Variants in VAMP5 observed in about 807,000 individuals in gnomAD.
VAMP5 encodes the protein vesicle associated membrane protein 5.
VAMP5 carries 10 observed loss-of-function variants against 8.1 expected under a neutral mutation model. The observed-to-expected ratio is 1.23, with a 90% CI of 0.76 to 2.09. The LOEUF is 2.09. Ranked by LOEUF, VAMP5 falls within the 30% of genes most tolerant of loss-of-function variation. The pLI, the probability that VAMP5 is intolerant of heterozygous loss-of-function variation, is 0.00. For synonymous variants in VAMP5, 62 were observed against 60.6 expected (o/e 1.02, Z -0.11); for missense variants, 135 against 152.5 (o/e 0.89, Z 0.60).
intron 1 of VAMP5, among the ~76,000 whole-genome samples, chr2:85,588,223 C>T (rs1036806454): frequency 6.6e-6 from 1 of 152,154 alleles, no homozygotes; most frequent in East Asian, 1.9e-4. Context: ...GGATTACAGG[C>T]ATGAGCCACC....
chr2:85,588,966 C>T (rs1672502406), intron 1 of VAMP5, among the ~76,000 whole-genome samples: 1 of 152,110 alleles, frequency 6.6e-6, no homozygotes, highest in Non-Finnish European at 1.5e-5. Flanking sequence ...GTCTTTTCCC[C>T]AGGGCAAAGT....
At chr2:85,591,973 C>CTCA in intron 2 of VAMP5, 111 bp downstream of exon 2, 2 of 1,506,660 alleles carry the variant, frequency 1.3e-6, no homozygotes, top group Non-Finnish European at 1.8e-6. Context: ...TCTTGAGGGC[C>CTCA]AGTGTGGGGC....
At position 85,593,083 on chromosome 2, in the gene VAMP5, C is replaced by A. The variant is rs1378366176; in HGVS notation, c.277C>A (p.Leu93Ile). ...CCTGATTGTGCTGCTGGTCGTCTTT[C>A]TCCCTCAGAGCAGTGACAGCAGTAG... is the stretch of plus-strand genomic sequence containing the variant. ...IILIVLLVVF[L>I]PQSSDSSSAP... Residue 93 changes from leucine (L) to isoleucine (I), a missense_variant, in exon 3 of 3, where the codon CTC (leucine) becomes ATC (isoleucine). Physicochemically the swap from Leu to Ile is conservative, Grantham distance 5 (BLOSUM62 2). Coordinates refer to ENST00000306384, the MANE Select transcript of VAMP5 (RefSeq NM_006634.3). 1 of 1,614,120 alleles carries A rather than the reference C, an allele frequency of 6.2e-7. No individual in the cohort carries two copies. Among genetic ancestry groups the A allele is most frequent in the Non-Finnish European group, 8.5e-7 (1 of 1,180,052 alleles).
intron 1 of VAMP5, among the ~76,000 whole-genome samples, chr2:85,590,044 C>T (rs35776719): frequency 0.12 from 17,775 of 152,060 alleles, 1,135 homozygotes; most frequent in South Asian, 0.21. Flanking sequence ...ATAGTGATGA[C>T]GGTTGACTCA....
chr2:85,588,190 C>T (rs941202603), intron 1 of VAMP5, among the ~76,000 whole-genome samples: 1 of 152,056 alleles, frequency 6.6e-6, no homozygotes, highest in Non-Finnish European at 1.5e-5. Context: ...ATGATCTGCC[C>T]ACCTTGGCCT....
At position 85,593,040 on chromosome 2, in the gene VAMP5, T is replaced by C; in HGVS notation, c.234T>C (p.Val78=). ...RYRICVGLVV[V]GVLLIILIVL... Reference sequence around the variant, plus strand: ...GGATCTGCGTGGGGCTGGTGGTGGTTGGTGTCCTGCTCATCATCCTGATTG... The same window carrying C: ...GGATCTGCGTGGGGCTGGTGGTGGTCGGTGTCCTGCTCATCATCCTGATTG... Residue 78 remains valine (V), a synonymous_variant, in exon 3 of 3, where the codon GTT becomes GTC. Coordinates refer to ENST00000306384, the MANE Select transcript of VAMP5 (RefSeq NM_006634.3). 8 of 1,614,176 alleles carry C rather than the reference T, an allele frequency of 5.0e-6. No individual in the cohort carries two copies. The highest frequency in any genetic ancestry group is 6.8e-6 in the Non-Finnish European group (8 of 1,180,024).
chr2:85,589,739 C>G (rs1672512698), intron 1 of VAMP5, among the ~76,000 whole-genome samples: 1 of 151,408 alleles, frequency 6.6e-6, no homozygotes, highest in South Asian at 2.1e-4. Context: ...CTCACTGCAA[C>G]CTCCGCCACC....
At chr2:85,592,839 GAGGAT>G in intron 2 of VAMP5, 104 bp from the exon 3 acceptor site, 1 of 998,550 alleles carries the variant, frequency 1.0e-6, no homozygotes, top group Non-Finnish European at 1.6e-6. Context: ...ACAAGATGGG[GAGGAT>G]GCAGGAGGAG....
At chr2:85,590,249 G>T (rs1672519791) in intron 1 of VAMP5, among the ~76,000 whole-genome samples, 1 of 152,172 alleles carries the variant, frequency 6.6e-6, no homozygotes. Context: ...CGAAACTCAT[G>T]CAGGGCTAGA....
chr2:85,585,668 G>A (rs960625962), intron 1 of VAMP5, among the ~76,000 whole-genome samples: 1 of 152,212 alleles, frequency 6.6e-6, no homozygotes, highest in Admixed American at 6.5e-5. Context: ...ATATTTTATT[G>A]GGGGAGGAGG....
Position 85,592,961 on chromosome 2 carries a change from A to T in VAMP5, c.155A>T (p.Asn52Ile). Reference protein sequence around the residue: ...DQLLDMSSTFNKTTQNLAQKK... With the variant: ...DQLLDMSSTFIKTTQNLAQKK... ...GGGTATCCGCAGAGCTCAACCTTCA[A>T]CAAGACTACACAGAACCTGGCCCAG... Residue 52 changes from asparagine (N) to isoleucine (I), a missense_variant, in exon 3 of 3, where the codon AAC (asparagine) becomes ATC (isoleucine). Transcript: ENST00000306384. 6.2e-7 allele frequency: 1 copy of T among 1,613,942 alleles called. No individual in the cohort carries two copies. The highest frequency in any genetic ancestry group is 8.5e-7 in the Non-Finnish European group (1 of 1,180,026).
chr2:85,591,639 G>T, intron 1 of VAMP5, 86 bp from the exon 2 acceptor site: 2 of 1,584,358 alleles, frequency 1.3e-6, no homozygotes, highest in Non-Finnish European at 1.7e-6. Context: ...CCACCTACAG[G>T]GGGAGAAGGA....
intron 1 of VAMP5, chr2:85,591,453 T>G (rs575463759): frequency 4.4e-5 from 19 of 427,754 alleles, no homozygotes; most frequent in Non-Finnish European, 7.7e-5. Context: ...TGGGACAGCT[T>G]AGAGGAAGCT....
At chr2:85,586,125 C>G (rs1312922702) in intron 1 of VAMP5, among the ~76,000 whole-genome samples, 2 of 152,222 alleles carry the variant, frequency 1.3e-5, no homozygotes, top group African/African-American at 4.8e-5. Flanking sequence ...AGCCAATCAG[C>G]TAAAGTGTCT....
At position 85,591,767 on chromosome 2, in the gene VAMP5, G is replaced by C. The variant is rs1672541665; in HGVS notation, c.46G>C (p.Val16Leu). The C allele has an allele frequency of 6.2e-7, 1 of 1,614,048 alleles. No individual in the cohort carries two copies. Among genetic ancestry groups the C allele is most frequent in the African/African-American group, 1.3e-5 (1 of 74,916 alleles). Residue 16 changes from valine to leucine, a missense_variant, in exon 2 of 3, where the codon GTG (valine) becomes CTG (leucine). Transcript: ENST00000306384. ...GCGGTGCCAGCAGCAGGCGAACGAG[G>C]TGACGGAAATTATGCGTAACAACTT... ...LERCQQQANE[V>L]TEIMRNNFGK... is the part of the protein sequence containing the mutation.
chr2:85,588,296 G>C (rs905490367), intron 1 of VAMP5, among the ~76,000 whole-genome samples: 19 of 152,174 alleles, frequency 1.2e-4, no homozygotes, highest in African/African-American at 3.9e-4. Context: ...CAAAGAGATT[G>C]AGCCCAGAAA....
intron 2 of VAMP5, 135 bp from the exon 3 acceptor site, chr2:85,592,813 A>AAAAAG: frequency 1.2e-6 from 1 of 832,174 alleles, no homozygotes; most frequent in Non-Finnish European, 1.9e-6. Context: ...AAAAAAAAAA[A>AAAAAG]AAAGAAAGAA....
chr2:85,587,491 A>C (rs1490594621), intron 1 of VAMP5, among the ~76,000 whole-genome samples: 1 of 151,808 alleles, frequency 6.6e-6, no homozygotes, highest in African/African-American at 2.4e-5. Context: ...TGACCTTGTG[A>C]TCCACCTGCC....
chr2:85,589,335 G>A (rs753273022), intron 1 of VAMP5, among the ~76,000 whole-genome samples: 1 of 152,088 alleles, frequency 6.6e-6, no homozygotes, highest in African/African-American at 2.4e-5. Context: ...GGCCAAGGAG[G>A]GCCCGAGACT....
Sources: allele counts gnomAD v4.1 joint callset (sites outside exome capture counted in the v4.1 genomes callset), GRCh38; gene constraint gnomAD v4.1.1; transcripts MANE v1.5; gene names NCBI Gene and HGNC (gene_info 2026-07-23, HGNC 2026-07-21).